CREBRF: variants seen among roughly 807,000 people sequenced by gnomAD.
CREBRF encodes the protein CREB3 regulatory factor.
A neutral mutation model predicts 66.1 loss-of-function variants in CREBRF; 5 were observed. The observed-to-expected ratio is 0.08, with a 90% CI of 0.04 to 0.16. The LOEUF is 0.16. Among genes scored for constraint, CREBRF ranks in the 10% least tolerant of loss-of-function variants. The probability of loss-of-function intolerance (pLI) is 1.00; values close to 1 mark genes in which losing one functional copy is unlikely to be tolerated. For missense variants in CREBRF, 531 were observed against 744.9 expected (o/e 0.71, Z 3.34); for synonymous variants, 229 against 264.4 (o/e 0.87, Z 1.30).
chr5:173,071,722 A>G (rs1454936140), intron 1 of CREBRF, among the ~76,000 whole-genome samples: 1 of 151,788 alleles, frequency 6.6e-6, no homozygotes, highest in Non-Finnish European at 1.5e-5. Flanking sequence ...TGTTAATATG[A>G]CGTGTGGTAG....
intron 8 of CREBRF, among the ~76,000 whole-genome samples, chr5:173,127,007 G>A (rs1007643994): frequency 6.6e-6 from 1 of 152,082 alleles, no homozygotes; most frequent in Non-Finnish European, 1.5e-5. Context: ...AACCTGGAAG[G>A]TCAAGGCTTC....
At position 173,095,862 on chromosome 5, in the gene CREBRF, C is replaced by T. The variant is rs1317173033; in HGVS notation, c.1222+4461C>T. Among the ~76,000 whole-genome samples, 5 of 143,010 alleles carry T rather than the reference C, an allele frequency of 3.5e-5. No homozygotes were observed. In the East Asian group the frequency reaches 8.3e-4, roughly 24 times the overall value. The allele number at this position is 143,010 out of a possible 152,430, so 93.8% of individuals were successfully genotyped here. On this transcript the variant is annotated intron_variant, in intron 4 of 8. Transcript: ENST00000296953. Reference sequence around the variant, plus strand: ...TGTAAATGGGATTTTTTTCTAATTTCTTTTTTGGATAGTTGTTAGCATATA... The same window carrying T: ...TGTAAATGGGATTTTTTTCTAATTTTTTTTTTGGATAGTTGTTAGCATATA...
At position 173,056,420 on chromosome 5, in the gene CREBRF, G is replaced by C. The variant is rs1205232952; in HGVS notation, c.-251G>C. The C allele has an allele frequency of 7.5e-6, 3 of 398,392 alleles. No individual in the cohort carries two copies. The highest frequency in any genetic ancestry group is 7.1e-5 in the East Asian group (2 of 28,080). 24.7% of individuals were successfully genotyped at this position (398,392 alleles called of 1,614,324 possible). On this transcript the variant is annotated 5_prime_UTR_variant, in exon 1 of 9. Coordinates refer to ENST00000296953, the MANE Select transcript of CREBRF (RefSeq NM_153607.3). ...AAACAAACCCGAGGCAGCATGGAGA[G>C]GGGCCGTGGCCCCTGCAGCGGAACC...
intron 1 of CREBRF, among the ~76,000 whole-genome samples, chr5:173,067,647 C>T (rs1049126067): frequency 3.9e-5 from 6 of 152,186 alleles, no homozygotes; most frequent in Admixed American, 3.9e-4. Context: ...CTGAACACAA[C>T]TGATTTGTGG....
At chr5:173,098,844 C>G (rs921804150) in intron 4 of CREBRF, among the ~76,000 whole-genome samples, 1 of 151,416 alleles carries the variant, frequency 6.6e-6, no homozygotes, top group Admixed American at 6.6e-5. Flanking sequence ...TATATAAAGA[C>G]CTTCTTTGTC....
At chr5:173,101,131 A>G (rs1206463511) in intron 4 of CREBRF, among the ~76,000 whole-genome samples, 1 of 152,020 alleles carries the variant, frequency 6.6e-6, no homozygotes, top group Non-Finnish European at 1.5e-5. Context: ...GCGTGATCCT[A>G]GCTTACTGCA....
intron 7 of CREBRF, among the ~76,000 whole-genome samples, chr5:173,114,161 T>C (rs961700242): frequency 9.9e-5 from 15 of 152,248 alleles, no homozygotes; most frequent in Non-Finnish European, 2.9e-5. Flanking sequence ...TTTCAACTTA[T>C]GAAATGAACT....
At chr5:173,084,729 C>T (rs1396083240) in intron 2 of CREBRF, among the ~76,000 whole-genome samples, 1 of 152,176 alleles carries the variant, frequency 6.6e-6, no homozygotes, top group African/African-American at 2.4e-5. Context: ...GCAAGCTCCA[C>T]CTCCCGGGTT....
chr5:173,128,094 A>G (rs1759314750), intron 8 of CREBRF, among the ~76,000 whole-genome samples: 1 of 152,118 alleles, frequency 6.6e-6, no homozygotes, highest in African/African-American at 2.4e-5. Context: ...TTGACCATTC[A>G]TATAAATAAC....
At chr5:173,132,817 T>C (rs1390267265) in intron 8 of CREBRF, among the ~76,000 whole-genome samples, 1 of 150,778 alleles carries the variant, frequency 6.6e-6, no homozygotes, top group Non-Finnish European at 1.5e-5. Context: ...CAGGCTGGTC[T>C]TGAACTTCCG....
rs968863719 is a variant in CREBRF at position 173,136,658 on chromosome 5, C to T, written c.*2913C>T. ...GTACTTTAATGCCAGTAATAATCTGCTTCCTCTATTGTCATTAAAATATAT... is the reference window on the plus strand; with the variant it reads ...GTACTTTAATGCCAGTAATAATCTGTTTCCTCTATTGTCATTAAAATATAT... On this transcript the variant is annotated 3_prime_UTR_variant, in exon 9 of 9. Transcript: ENST00000296953. 6.6e-6 allele frequency: 1 copy of T among 152,456 alleles called. No individual in the cohort carries two copies. Among genetic ancestry groups the T allele is most frequent in the Non-Finnish European group, 1.5e-5 (1 of 67,924 alleles). The allele number at this position is 152,456 out of a possible 1,614,324, so 9.4% of individuals were successfully genotyped here.
chr5:173,083,853 A>AT (rs1352011507), intron 2 of CREBRF, among the ~76,000 whole-genome samples: 3 of 152,012 alleles, frequency 2.0e-5, no homozygotes, highest in African/African-American at 2.4e-5. Context: ...TATTTTTTCA[A>AT]TTTTTTTTGA....
intron 7 of CREBRF, among the ~76,000 whole-genome samples, chr5:173,122,769 C>A (rs1759170816): frequency 9.9e-6 from 1 of 101,170 alleles, no homozygotes; most frequent in Non-Finnish European, 1.8e-5. Flanking sequence ...CCACAACAGT[C>A]CCCAGAGTGT....
intron 5 of CREBRF, chr5:173,110,162 C>T (rs1758839927): frequency 5.7e-6 from 2 of 350,788 alleles, no homozygotes; most frequent in Admixed American, 7.6e-5. Context: ...TGTATTATAC[C>T]CTAGTCCTGA....
At position 173,133,637 on chromosome 5, in the gene CREBRF, A is replaced by G; in HGVS notation, c.1812A>G (p.Pro604=). 6.2e-7 allele frequency: 1 copy of G among 1,600,476 alleles called. No homozygotes were observed. Among genetic ancestry groups the G allele is most frequent in the African/African-American group, 1.3e-5 (1 of 74,680 alleles). Residue 604 remains proline (P), a synonymous_variant, in exon 9 of 9, where the codon CCA becomes CCG. Coordinates refer to ENST00000296953, the MANE Select transcript of CREBRF (RefSeq NM_153607.3). Reference sequence around the variant, plus strand: ...TTTTATTCTTCTCTTCAGGTCTACCAGTTGCTGGGCAAACCTCAGAATTTG... The same window carrying G: ...TTTTATTCTTCTCTTCAGGTCTACCGGTTGCTGGGCAAACCTCAGAATTTG... ...EILIKDTLGL[P]VAGQTSEFVN...
chr5:173,123,102 C>T lies in CREBRF; in HGVS notation c.1704C>T (p.Asn568=). 1 of 1,601,658 alleles carries T rather than the reference C, an allele frequency of 6.2e-7. No individual in the cohort carries two copies. ...TEYDNLLFVI[N]SIKQEIVNRV... ...CAGATAATTTATTGTTTGTAATCAA[C>T]TCCATCAAGCAAGAGATTGTAAACC... The change falls in exon 8 of 9, where the codon AAC becomes AAT. Residue 568 remains asparagine (N), a synonymous_variant. Coordinates refer to ENST00000296953, the MANE Select transcript of CREBRF (RefSeq NM_153607.3).
intron 1 of CREBRF, among the ~76,000 whole-genome samples, chr5:173,059,955 TTCTACTTAGTTTACAGGGTG>T (rs998381786): frequency 5.3e-4 from 81 of 152,268 alleles, no homozygotes; most frequent in African/African-American, 1.7e-3. Context: ...ATAGACAATG[TTCTACTTAGTTTACAGGGTG>T]TCTACTTAGT....
At chr5:173,087,408 C>T (rs535242169) in intron 3 of CREBRF, among the ~76,000 whole-genome samples, 2 of 152,070 alleles carry the variant, frequency 1.3e-5, no homozygotes, top group South Asian at 4.2e-4. Flanking sequence ...TAAAAGTATG[C>T]AGCTGTTGGC....
intron 4 of CREBRF, among the ~76,000 whole-genome samples, chr5:173,092,869 A>G (rs1758384360): frequency 6.6e-6 from 1 of 152,138 alleles, no homozygotes; most frequent in Non-Finnish European, 1.5e-5. Flanking sequence ...AAGAAAAGGG[A>G]TTGTGCCTTC....
Sources: allele counts gnomAD v4.1 joint callset (sites outside exome capture counted in the v4.1 genomes callset), GRCh38; gene constraint gnomAD v4.1.1; transcripts MANE v1.5; gene names NCBI Gene and HGNC (gene_info 2026-07-23, HGNC 2026-07-21).